The following EYA4 variants were observed in gnomAD, a reference collection of about 807,000 sequenced individuals.
The protein encoded by EYA4 is protein phosphatase EYA4.
EYA4 carries 31 observed loss-of-function variants against 87.9 expected under a neutral mutation model. The observed-to-expected ratio is 0.35, with a 90% CI of 0.27 to 0.48. EYA4 has a LOEUF of 0.48. Among genes scored for constraint, EYA4 ranks in the 20% least tolerant of loss-of-function variants. The probability of loss-of-function intolerance (pLI) is 0.99; values close to 1 mark genes in which losing one functional copy is unlikely to be tolerated. For synonymous variants in EYA4, 263 were observed against 270.6 expected (o/e 0.97, Z 0.28); for missense variants, 678 against 761.4 (o/e 0.89, Z 1.29).
intron 3 of EYA4, among the ~76,000 whole-genome samples, chr6:133,420,424 AT>A (rs1256414893): frequency 3.3e-5 from 5 of 152,214 alleles, no homozygotes; most frequent in Admixed American, 6.5e-5. Context: ...TCAAACATAC[AT>A]TATTCTTCAC....
intron 2 of EYA4, among the ~76,000 whole-genome samples, chr6:133,296,465 A>G (rs956727107): frequency 7.2e-5 from 11 of 152,106 alleles, no homozygotes; most frequent in African/African-American, 2.4e-4. Context: ...GCATGAGATG[A>G]TGGTGGTGGC....
intron 13 of EYA4, among the ~76,000 whole-genome samples, chr6:133,497,277 T>C (rs1472524953): frequency 1.3e-5 from 2 of 152,210 alleles, no homozygotes; most frequent in African/African-American, 4.8e-5. Context: ...ACCACAGTAA[T>C]GTAGGAATGA....
intron 3 of EYA4, among the ~76,000 whole-genome samples, chr6:133,385,588 G>T (rs1213111246): frequency 6.6e-6 from 1 of 152,056 alleles, no homozygotes; most frequent in Non-Finnish European, 1.5e-5. Context: ...CCTAAAAAAT[G>T]CTGCCTCACT....
intron 2 of EYA4, chr6:133,360,421 A>G (rs1211498489): frequency 1.3e-5 from 2 of 152,242 alleles, no homozygotes; most frequent in East Asian, 1.9e-4. Context: ...AACAGATGCT[A>G]CTGTGACTAT....
At chr6:133,517,718 A>G (rs2128796900) in intron 17 of EYA4, among the ~76,000 whole-genome samples, 1 of 151,628 alleles carries the variant, frequency 6.6e-6, no homozygotes, top group East Asian at 1.9e-4. Context: ...TGTCAGTTCT[A>G]GGGACCATAT....
At chr6:133,326,757 G>A (rs966348486) in intron 2 of EYA4, among the ~76,000 whole-genome samples, 4 of 152,174 alleles carry the variant, frequency 2.6e-5, no homozygotes, top group African/African-American at 9.7e-5. Context: ...CCTTCACCGT[G>A]ACTGAAGTGC....
chr6:133,531,534 G>A lies in EYA4; in HGVS notation c.*2729G>A, dbSNP rs1456413842. 2 of 328,744 alleles carry A rather than the reference G, an allele frequency of 6.1e-6. No individual in the cohort carries two copies. The highest frequency in any genetic ancestry group is 1.1e-5 in the Non-Finnish European group (2 of 179,914). 20.4% of individuals were successfully genotyped at this position (328,744 alleles called of 1,614,324 possible). ...TTTCGGCTATTATGTATACAGCTTG[G>A]TATATTACTACGAAAGATAACCACC... On this transcript the variant is annotated 3_prime_UTR_variant, in exon 20 of 20. Coordinates refer to ENST00000355286, the MANE Select transcript of EYA4 (RefSeq NM_004100.5).
At chr6:133,429,621 AT>A (rs1305384513) in intron 3 of EYA4, among the ~76,000 whole-genome samples, 2 of 152,180 alleles carry the variant, frequency 1.3e-5, no homozygotes, top group Non-Finnish European at 2.9e-5. Flanking sequence ...GAGGGGGGAA[AT>A]AATGAGAATC....
At chr6:133,512,304 A>G (rs1799221657) in intron 14 of EYA4, among the ~76,000 whole-genome samples, 1 of 152,166 alleles carries the variant, frequency 6.6e-6, no homozygotes, top group Admixed American at 6.5e-5. Context: ...TCAACAAATG[A>G]TAAATAATAG....
intron 13 of EYA4, among the ~76,000 whole-genome samples, chr6:133,501,153 C>T (rs1030362910): frequency 1.3e-5 from 2 of 152,060 alleles, no homozygotes; most frequent in South Asian, 4.1e-4. Flanking sequence ...TCTGCCATTA[C>T]CTCCTGAAAG....
intron 10 of EYA4, among the ~76,000 whole-genome samples, chr6:133,466,939 A>C (rs538091922): frequency 1.3e-3 from 201 of 152,252 alleles, no homozygotes; most frequent in Non-Finnish European, 2.4e-3. Context: ...ATTTTGAGCA[A>C]GAAAATTACA....
At chr6:133,522,050 G>A (rs1800211307) in intron 17 of EYA4, among the ~76,000 whole-genome samples, 1 of 142,250 alleles carries the variant, frequency 7.0e-6, no homozygotes, top group Middle Eastern at 3.6e-3. Flanking sequence ...CACCAGCATG[G>A]CACATGTATG....
chr6:133,405,410 A>G (rs1055182002), intron 3 of EYA4, among the ~76,000 whole-genome samples: 8 of 152,220 alleles, frequency 5.3e-5, no homozygotes, highest in Non-Finnish European at 1.5e-5. Context: ...AGAAAATGCC[A>G]TTGTTTGGGA....
chr6:133,394,419 C>G (rs1787613521), intron 3 of EYA4, among the ~76,000 whole-genome samples: 1 of 147,990 alleles, frequency 6.8e-6, no homozygotes, highest in African/African-American at 2.5e-5. Flanking sequence ...ATACAGGTAT[C>G]TTTAGTTCAA....
chr6:133,464,900 A>C (rs911075934), intron 10 of EYA4, 42 bp downstream of exon 10: 1 of 1,333,848 alleles, frequency 7.5e-7, no homozygotes, highest in Non-Finnish European at 1.1e-6. Flanking sequence ...TATGTATTTC[A>C]GATTTTTGAA....
intron 11 of EYA4, among the ~76,000 whole-genome samples, chr6:133,477,985 A>G (rs1381754427): frequency 6.6e-6 from 1 of 152,124 alleles, no homozygotes. Context: ...AATGAGCAAG[A>G]AACATGAAAA....
intron 3 of EYA4, among the ~76,000 whole-genome samples, chr6:133,413,426 A>AT (rs11388358): frequency 0.041 from 5,838 of 140,804 alleles, 255 homozygotes; most frequent in East Asian, 0.21. Context: ...TAACCCAGTG[A>AT]TTTTTTTTTT....
intron 3 of EYA4, among the ~76,000 whole-genome samples, chr6:133,408,322 G>A: frequency 6.6e-6 from 1 of 152,118 alleles, no homozygotes; most frequent in East Asian, 1.9e-4. Context: ...TTGTTAATGG[G>A]CTCAGATTCC....
chr6:133,313,431 TA>T (rs1176671615), intron 2 of EYA4, among the ~76,000 whole-genome samples: 1 of 152,234 alleles, frequency 6.6e-6, no homozygotes, highest in African/African-American at 2.4e-5. Flanking sequence ...TTATTGCCTT[TA>T]TTTTGGGGAA....
Sources: allele counts gnomAD v4.1 joint callset (sites outside exome capture counted in the v4.1 genomes callset), GRCh38; gene constraint gnomAD v4.1.1; transcripts MANE v1.5; gene names NCBI Gene and HGNC (gene_info 2026-07-23, HGNC 2026-07-21).